Variants in PTP4A3 observed in about 807,000 individuals in gnomAD.
PTP4A3 encodes protein tyrosine phosphatase 4A3.
A neutral mutation model predicts 15.2 loss-of-function variants in PTP4A3; 9 were observed. The ratio of observed to expected loss-of-function variants is 0.59; its 90% CI spans 0.36 to 1.03. The LOEUF is 1.03. Ranked by LOEUF, PTP4A3 falls within the 50% of genes least tolerant of loss-of-function variation. The probability of loss-of-function intolerance (pLI) is 0.02; values close to 1 mark genes in which losing one functional copy is unlikely to be tolerated. For synonymous variants in PTP4A3, 95 were observed against 102.0 expected (o/e 0.93, Z 0.41); for missense variants, 234 against 252.1 (o/e 0.93, Z 0.49).
chr8:141,418,191 A>G (rs906106717), intron 1 of PTP4A3, among the ~76,000 whole-genome samples: 32 of 152,062 alleles, frequency 2.1e-4, no homozygotes, highest in African/African-American at 7.5e-4. Flanking sequence ...GACTCCCCAG[A>G]GCGCCCGCCT....
chr8:141,428,336 C>G (rs1833683921), intron 5 of PTP4A3, among the ~76,000 whole-genome samples: 1 of 151,892 alleles, frequency 6.6e-6, no homozygotes, highest in Non-Finnish European at 1.5e-5. Context: ...GCTCGCCTGC[C>G]CCATCCCTGT....
In PTP4A3 at chr8:141,431,069, C is replaced by G. The variant is rs550335487; in HGVS notation, c.*25C>G. The G allele has an allele frequency of 2.5e-6, 4 of 1,607,918 alleles. No homozygotes were observed. The highest frequency in any genetic ancestry group is 3.4e-6 in the Non-Finnish European group (4 of 1,175,534). On this transcript the variant is annotated 3_prime_UTR_variant, in exon 6 of 6. Coordinates refer to ENST00000521578, the MANE Select transcript of PTP4A3 (RefSeq NM_032611.3). ...GCTCAGGACCTTGGCTGGGCCTGGT[C>G]GTCATGTAGGTCAGGACCTTGGCTG...
intron 1 of PTP4A3, among the ~76,000 whole-genome samples, chr8:141,410,987 C>T (rs1313174823): frequency 6.6e-6 from 1 of 152,162 alleles, no homozygotes; most frequent in Non-Finnish European, 1.5e-5. Flanking sequence ...TGGGGAAGGC[C>T]AAGACCCAGG....
chr8:141,394,902 C>T (rs1335379801), intron 1 of PTP4A3, among the ~76,000 whole-genome samples: 2 of 152,264 alleles, frequency 1.3e-5, no homozygotes, highest in Non-Finnish European at 2.9e-5. Context: ...GACTTCGGCG[C>T]CCCGCGAGTT....
intron 1 of PTP4A3, among the ~76,000 whole-genome samples, chr8:141,397,026 G>A (rs544347628): frequency 4.6e-5 from 7 of 152,154 alleles, no homozygotes; most frequent in African/African-American, 9.7e-5. Context: ...CTGTTTTCCC[G>A]GCCAGGGAGG....
intron 5 of PTP4A3, among the ~76,000 whole-genome samples, chr8:141,430,345 G>A (rs1378062712): frequency 6.1e-5 from 9 of 146,450 alleles, no homozygotes; most frequent in Non-Finnish European, 8.9e-5. Context: ...CCAGGTCCCC[G>A]CTGTAAGGAC....
At chr8:141,429,532 C>T (rs932091493) in intron 5 of PTP4A3, among the ~76,000 whole-genome samples, 18 of 152,086 alleles carry the variant, frequency 1.2e-4, no homozygotes, top group Admixed American at 1.1e-3. Flanking sequence ...CTGTAAGGAC[C>T]AGGTGGCGGG....
chr8:141,405,115 C>T (rs146350182), intron 1 of PTP4A3, among the ~76,000 whole-genome samples: 2 of 152,316 alleles, frequency 1.3e-5, no homozygotes, highest in African/African-American at 2.4e-5. Context: ...AGACAAGTCA[C>T]GAACAGGGCT....
In PTP4A3 at chr8:141,406,505, C is replaced by G. The variant is rs182071155; in HGVS notation, c.-854+14421C>G. The stretch of plus-strand genomic sequence containing the variant: ...GGAAGTCCTGCCCTCCTGCCTCTGG[C>G]CCTTGCTCAAGCCGCGCCCCCATCT... On this transcript the variant is annotated intron_variant, in intron 1 of 5. Transcript: ENST00000521578. This position sits in a 1 kb window ranked among gnomAD's most constrained non-coding sequence, Gnocchi z 4.5. Among the ~76,000 whole-genome samples, 2 of 152,226 alleles carry G rather than the reference C, an allele frequency of 1.3e-5. No individual in the cohort carries two copies. Among genetic ancestry groups the G allele is most frequent in the East Asian group, 3.9e-4 (2 of 5,168 alleles).
At chr8:141,400,616 T>C (rs1359475203) in intron 1 of PTP4A3, among the ~76,000 whole-genome samples, 1 of 152,200 alleles carries the variant, frequency 6.6e-6, no homozygotes, top group Non-Finnish European at 1.5e-5. Context: ...AGGATGTGCG[T>C]CTCGGCACCG....
At chr8:141,401,729 G>T (rs1422208573) in intron 1 of PTP4A3, among the ~76,000 whole-genome samples, 1 of 152,218 alleles carries the variant, frequency 6.6e-6, no homozygotes, top group East Asian at 1.9e-4. Context: ...TCTGTGCTGT[G>T]GAGTCCCAGG....
intron 1 of PTP4A3, among the ~76,000 whole-genome samples, chr8:141,419,295 C>T (rs563398649): frequency 6.6e-5 from 10 of 152,300 alleles, no homozygotes; most frequent in South Asian, 4.1e-4. Context: ...GGTTGGTCAG[C>T]CCCTCAGGGA....
chr8:141,431,136 A>C lies in PTP4A3; in HGVS notation c.*92A>C. On this transcript the variant is annotated 3_prime_UTR_variant, in exon 6 of 6. Coordinates refer to ENST00000521578, the MANE Select transcript of PTP4A3 (RefSeq NM_032611.3). ...CCAGCCCTGCTCTGCCCAGCCCAGC[A>C]GGGGCTCCAGGCCTTGGCTGGCCCC... is the stretch of plus-strand genomic sequence containing the variant. The C allele has an allele frequency of 8.1e-7, 1 of 1,236,000 alleles. No individual in the cohort carries two copies. Among genetic ancestry groups the C allele is most frequent in the Non-Finnish European group, 1.2e-6 (1 of 853,128 alleles). 76.6% of individuals were successfully genotyped at this position (1,236,000 alleles called of 1,614,324 possible).
At chr8:141,426,076 T>C (rs1328102183) in intron 3 of PTP4A3, among the ~76,000 whole-genome samples, 2 of 152,140 alleles carry the variant, frequency 1.3e-5, no homozygotes, top group Admixed American at 6.5e-5. Flanking sequence ...TAAGTAGCCG[T>C]GACACCGGTT....
chr8:141,416,869 G>C (rs1219726432), intron 1 of PTP4A3, among the ~76,000 whole-genome samples: 3 of 152,026 alleles, frequency 2.0e-5, no homozygotes, highest in African/African-American at 7.2e-5. Flanking sequence ...AGGGGGGGTC[G>C]TGCTCTCAGC....
chr8:141,404,560 C>T (rs1832679883), intron 1 of PTP4A3, among the ~76,000 whole-genome samples: 1 of 152,244 alleles, frequency 6.6e-6, no homozygotes. Flanking sequence ...ACAGTATAGC[C>T]ATGGTATTCA....
rs374921000 is a variant in PTP4A3, at chr8:141,422,237, C to T, written c.-4C>T. On this transcript the variant is annotated 5_prime_UTR_variant, in exon 2 of 6. Transcript: ENST00000521578. ...CTGCCCTGCCGGGCCCGTCGGGAGG[C>T]GCCATGGCTCGGATGAACCGCCCGG... is the stretch of plus-strand genomic sequence containing the variant. 6.8e-6 allele frequency: 11 copies of T among 1,612,802 alleles called. No homozygotes were observed. The highest frequency in any genetic ancestry group is 5.0e-5 in the Admixed American group (3 of 60,004).
chr8:141,416,820 G>GT (rs928422390), intron 1 of PTP4A3, among the ~76,000 whole-genome samples: 26 of 151,876 alleles, frequency 1.7e-4, no homozygotes, highest in African/African-American at 6.3e-4. Flanking sequence ...TGATGGTGAT[G>GT]TTTTCTGGAA....
intron 1 of PTP4A3, among the ~76,000 whole-genome samples, chr8:141,411,944 G>A (rs1395218611): frequency 6.6e-6 from 1 of 152,230 alleles, no homozygotes; most frequent in Non-Finnish European, 1.5e-5. Flanking sequence ...TGCACAGCCT[G>A]AGCCTCGGTT....
Sources: gnomAD v4.1 joint callset for allele counts (sites outside exome capture counted in the v4.1 genomes callset) on GRCh38, gnomAD v4.1.1 for gene constraint, Gnocchi (gnomAD v3.1) non-coding constraint, MANE v1.5 for transcripts, NCBI Gene and HGNC (gene_info 2026-07-23, HGNC 2026-07-21) for gene names.